Variants in ANGPTL2 observed in about 807,000 individuals in gnomAD.
ANGPTL2 encodes angiopoietin like 2.
Under a neutral mutation model 52.8 loss-of-function variants are expected in ANGPTL2, and 25 were observed. That is an observed-to-expected ratio of 0.47 (90% confidence interval 0.35 to 0.66). ANGPTL2 has a LOEUF of 0.66. Among genes scored for constraint, ANGPTL2 ranks in the 30% least tolerant of loss-of-function variants. The pLI is 0.01. For missense variants in ANGPTL2, 546 were observed against 656.9 expected (o/e 0.83, Z 1.84); for synonymous variants, 276 against 277.4 (o/e 1.00, Z 0.05).
rs114997869 is a variant in ANGPTL2 at position 127,106,111 on chromosome 9, C to G, written c.817+1804G>C. On this transcript the variant is annotated intron_variant, in intron 2 of 4. Transcript: ENST00000373425. ...ATACTATGTATCTGCCAGCTTAGTT[C>G]AAGCCCAGGAATGTCCTGAAATGTT... 2.9e-3 allele frequency among the ~76,000 whole-genome samples: 438 copies of G among 152,334 alleles called. 1 individual carries two copies. The highest frequency in any genetic ancestry group is 0.01 in the African/African-American group (425 of 41,580).
intron 2 of ANGPTL2, among the ~76,000 whole-genome samples, chr9:127,094,159 C>T (rs951263162): frequency 1.3e-5 from 2 of 152,156 alleles, no homozygotes; most frequent in Admixed American, 1.3e-4. Context: ...CTCTCACCCG[C>T]CTCACAGTTT....
At chr9:127,107,486 T>G (rs1030464889) in intron 2 of ANGPTL2, among the ~76,000 whole-genome samples, 1 of 152,204 alleles carries the variant, frequency 6.6e-6, no homozygotes, top group Non-Finnish European at 1.5e-5. Context: ...ACATGGGTAA[T>G]ACTTTCTTTT....
In ANGPTL2 at chr9:127,093,718, C is replaced by G. The variant is rs942444561; in HGVS notation, c.1011+15G>C. On this transcript the variant is annotated intron_variant, in intron 3 of 4. Coordinates refer to ENST00000373425, the MANE Select transcript of ANGPTL2 (RefSeq NM_012098.3). The stretch of plus-strand genomic sequence containing the variant: ...CACCTTGTGGGCAGCACAGACATCC[C>G]CTGCCGAGTCTCACCTTGTACGTCT... 6.2e-6 allele frequency: 10 copies of G among 1,613,170 alleles called. No individual in the cohort carries two copies. The Admixed American group carries it at 1.5e-4, about 24-fold the overall frequency.
At chr9:127,104,289 T>C (rs969512301) in intron 2 of ANGPTL2, among the ~76,000 whole-genome samples, 1 of 152,058 alleles carries the variant, frequency 6.6e-6, no homozygotes, top group African/African-American at 2.4e-5. Context: ...CCCTGATCAG[T>C]CTCTGGGATG....
chr9:127,110,132 C>CA (rs1338312418), intron 1 of ANGPTL2, among the ~76,000 whole-genome samples: 7 of 152,218 alleles, frequency 4.6e-5, no homozygotes, highest in Non-Finnish European at 7.3e-5. Flanking sequence ...TGCCTGCACT[C>CA]ACCATTTCCA....
intron 1 of ANGPTL2, among the ~76,000 whole-genome samples, chr9:127,110,867 G>A (rs113381237): frequency 5.9e-5 from 9 of 152,142 alleles, no homozygotes; most frequent in African/African-American, 2.2e-4. Flanking sequence ...TCATTTACCT[G>A]GACTATTGGA....
Position 127,094,878 on chromosome 9 carries a change from T to C in ANGPTL2, c.818-952A>G, listed in dbSNP as rs553087841. Reference sequence around the variant, plus strand: ...GGAATGGGTGTTATACCACTGGTCTTTTAGCCCTCCCCACCCCTGCCCATC... The same window carrying C: ...GGAATGGGTGTTATACCACTGGTCTCTTAGCCCTCCCCACCCCTGCCCATC... On this transcript the variant is annotated intron_variant, in intron 2 of 4. Transcript: ENST00000373425. 5.4e-4 allele frequency among the ~76,000 whole-genome samples: 83 copies of C among 152,316 alleles called. No individual in the cohort carries two copies. The South Asian group carries it at 0.012, about 22-fold the overall frequency.
intron 4 of ANGPTL2, among the ~76,000 whole-genome samples, chr9:127,090,092 C>G (rs2052284997): frequency 6.6e-6 from 1 of 152,182 alleles, no homozygotes; most frequent in African/African-American, 2.4e-5. Flanking sequence ...GGGGGTCCCT[C>G]TGGGCCATGA....
rs1040128351 is a variant in ANGPTL2, at chr9:127,091,829, G to T, written c.1123C>A (p.Arg375Ser). Reference sequence around the variant, plus strand: ...CTGGCGTATTCTGCAAAGACTTTGCGGCCGGACCAGTCCTCCATGGTCACC... The same window carrying T: ...CTGGCGTATTCTGCAAAGACTTTGCTGCCGGACCAGTCCTCCATGGTCACC... ...LLVTMEDWSG[R>S]KVFAEYASFR... The change falls in exon 4 of 5, where the codon CGC becomes AGC. Residue 375 changes from arginine to serine, a missense_variant. Arg to Ser is a moderately radical substitution (Grantham distance 110). This residue lies in a region of ANGPTL2 where 261 missense variants were observed against 361.0 expected (regional missense o/e 0.72). Coordinates refer to ENST00000373425, the MANE Select transcript of ANGPTL2 (RefSeq NM_012098.3). This position sits in a 1 kb window ranked among gnomAD's most constrained non-coding sequence, Gnocchi z 4.3. 6.2e-7 allele frequency: 1 copy of T among 1,614,122 alleles called. No individual in the cohort carries two copies. The highest frequency in any genetic ancestry group is 1.7e-5 in the Admixed American group (1 of 60,028).
rs2052534644 is a variant in ANGPTL2, at chr9:127,091,952, C to T, written c.1012-12G>A. 1.9e-6 allele frequency: 3 copies of T among 1,612,566 alleles called. No homozygotes were observed. The highest frequency in any genetic ancestry group is 1.3e-5 in the African/African-American group (1 of 74,824). On this transcript the variant is annotated splice_polypyrimidine_tract_variant and intron_variant, in intron 3 of 4. Transcript: ENST00000373425. The surrounding 1 kb of genome is among the most constrained non-coding windows in gnomAD (Gnocchi z 4.3). ...TTCCCAAACCCTTGCTGGGGAAAACCCAGGAGAGTGTTAATGTGGAGCCTG... is the reference window on the plus strand; with the variant it reads ...TTCCCAAACCCTTGCTGGGGAAAACTCAGGAGAGTGTTAATGTGGAGCCTG...
chr9:127,092,893 G>T lies in ANGPTL2; in HGVS notation c.1011+840C>A, dbSNP rs76452626. ...GAAGGGGCATGGCAGAGCCATGTGT[G>T]CAAGGCATCATGGCTTCAGGTAGTT... On this transcript the variant is annotated intron_variant, in intron 3 of 4. Transcript: ENST00000373425. Among the ~76,000 whole-genome samples the T allele has an allele frequency of 1.4e-3, 212 of 152,252 alleles. 5 individuals carry two copies. The East Asian group carries it at 0.039, about 28-fold the overall frequency.
intron 2 of ANGPTL2, among the ~76,000 whole-genome samples, chr9:127,100,716 C>T (rs1589471715): frequency 2.0e-5 from 3 of 152,168 alleles, no homozygotes; most frequent in Non-Finnish European, 2.9e-5. Context: ...GCAGGCACAT[C>T]ATGGAAGAAC....
chr9:127,105,951 A>G (rs1357832145), intron 2 of ANGPTL2, among the ~76,000 whole-genome samples: 1 of 152,240 alleles, frequency 6.6e-6, no homozygotes, highest in Admixed American at 6.5e-5. Flanking sequence ...TCCACAGCAT[A>G]ACACTGTGAG....
At chr9:127,112,275 A>G (rs1056548029) in intron 1 of ANGPTL2, among the ~76,000 whole-genome samples, 2 of 152,224 alleles carry the variant, frequency 1.3e-5, no homozygotes, top group Non-Finnish European at 1.5e-5. Flanking sequence ...CCTCGTTTCC[A>G]ACGGTGCTTT....
intron 1 of ANGPTL2, among the ~76,000 whole-genome samples, chr9:127,114,844 G>A (rs982460539): frequency 6.6e-6 from 1 of 152,228 alleles, no homozygotes; most frequent in African/African-American, 2.4e-5. Context: ...TGAGTCTGGT[G>A]GACCTGAGCA....
rs771975009 is a variant in ANGPTL2 at position 127,108,126 on chromosome 9, C to T, written c.606G>A (p.Glu202=). 10 of 1,613,670 alleles carry T rather than the reference C, an allele frequency of 6.2e-6. No individual in the cohort carries two copies. Among genetic ancestry groups the T allele is most frequent in the Non-Finnish European group, 8.5e-6 (10 of 1,179,834 alleles). The stretch of plus-strand genomic sequence containing the variant: ...TGGCCGAGGGCACCCTCTGGCAGTG[C>T]TCCTCAAGCTGCGCGATGATCTCTG... The part of the protein sequence containing the change: ...NQSEIIAQLE[E]HCQRVPSARP... Residue 202 remains glutamate, a synonymous_variant, in exon 2 of 5, where the codon GAG becomes GAA. Coordinates refer to ENST00000373425, the MANE Select transcript of ANGPTL2 (RefSeq NM_012098.3).
chr9:127,089,985 A>G (rs1193824268), intron 4 of ANGPTL2, among the ~76,000 whole-genome samples: 3 of 152,224 alleles, frequency 2.0e-5, no homozygotes, highest in Non-Finnish European at 2.9e-5. Context: ...CCAACAGAGC[A>G]GGTGGCCGAG....
chr9:127,094,895 C>G (rs1288202011), intron 2 of ANGPTL2, among the ~76,000 whole-genome samples: 1 of 152,212 alleles, frequency 6.6e-6, no homozygotes, highest in Non-Finnish European at 1.5e-5. Flanking sequence ...CTCCCCACCC[C>G]TGCCCATCAA....
chr9:127,111,424 A>G (rs1257354591), intron 1 of ANGPTL2, among the ~76,000 whole-genome samples: 1 of 151,984 alleles, frequency 6.6e-6, no homozygotes, highest in African/African-American at 2.4e-5. Context: ...TGCAGTGCCT[A>G]CCACGTGGCC....
Sources: gnomAD v4.1 joint callset for allele counts (sites outside exome capture counted in the v4.1 genomes callset) on GRCh38, gnomAD v4.1.1 for gene constraint, gnomAD v4.1.1 regional missense constraint, Gnocchi (gnomAD v3.1) non-coding constraint, MANE v1.5 for transcripts, NCBI Gene and HGNC (gene_info 2026-07-23, HGNC 2026-07-21) for gene names.